Variants in VPS13B observed in about 807,000 individuals in gnomAD.
VPS13B encodes the protein vacuolar protein sorting 13 homolog B.
Under a neutral mutation model 426.4 loss-of-function variants are expected in VPS13B, and 285 were observed. The observed-to-expected ratio is 0.67, with a 90% CI of 0.61 to 0.74. The LOEUF (loss-of-function observed/expected upper bound fraction) is 0.74, where lower values mean the gene tolerates loss of function less well. Ranked by LOEUF, VPS13B falls within the 30% of genes least tolerant of loss-of-function variation. The probability of loss-of-function intolerance (pLI) is 0.00; values close to 1 mark genes in which losing one functional copy is unlikely to be tolerated. For synonymous variants in VPS13B, 1,676 were observed against 1,676.4 expected, an observed-to-expected ratio of 1.00 and a Z score of 0.01; for missense variants, 4,537 against 4,782.6, an observed-to-expected ratio of 0.95 and a Z score of 1.51.
chr8:99,293,734 T>A (rs1291905912), intron 19 of VPS13B, among the ~76,000 whole-genome samples: 2 of 151,894 alleles, frequency 1.3e-5, no homozygotes, highest in African/African-American at 4.8e-5. Context: ...CGGGTGGACA[T>A]GAACAGACAC....
At chr8:99,119,913 G>T (rs1431428858) in intron 7 of VPS13B, among the ~76,000 whole-genome samples, 1 of 151,902 alleles carries the variant, frequency 6.6e-6, no homozygotes, top group East Asian at 1.9e-4. Flanking sequence ...AGGGTCCAGG[G>T]TCTTGCTCTG....
At chr8:99,505,445 C>T (rs1020960479) in intron 27 of VPS13B, among the ~76,000 whole-genome samples, 2 of 152,034 alleles carry the variant, frequency 1.3e-5, no homozygotes, top group Non-Finnish European at 2.9e-5. Context: ...TATTAATTGG[C>T]TTCATTTCAA....
chr8:99,798,102 A>G (rs1395381225), intron 43 of VPS13B, among the ~76,000 whole-genome samples: 2 of 152,044 alleles, frequency 1.3e-5, no homozygotes, highest in African/African-American at 2.4e-5. Context: ...TCTTGGGACC[A>G]TCTGGCAAGC....
chr8:99,535,139 G>C (rs1823133155), intron 30 of VPS13B, among the ~76,000 whole-genome samples: 1 of 152,054 alleles, frequency 6.6e-6, no homozygotes, highest in Non-Finnish European at 1.5e-5. Context: ...TTAATGTGCA[G>C]AATTAATAAT....
chr8:99,523,281 C>T (rs1545959), intron 30 of VPS13B, among the ~76,000 whole-genome samples: 26,503 of 152,078 alleles, frequency 0.17, 2,836 homozygotes, highest in East Asian at 0.39. Flanking sequence ...ATTTGGGAGC[C>T]GGGGAACTCA....
chr8:99,582,695 T>G (rs558568932), intron 33 of VPS13B, among the ~76,000 whole-genome samples: 29 of 152,042 alleles, frequency 1.9e-4, no homozygotes, highest in African/African-American at 3.1e-4. Flanking sequence ...TCGCTCTGTC[T>G]CCCAGGCAGG....
intron 35 of VPS13B, among the ~76,000 whole-genome samples, chr8:99,682,118 T>C (rs765868420): frequency 1.3e-5 from 2 of 152,236 alleles, no homozygotes; most frequent in Non-Finnish European, 2.9e-5. Context: ...ACTGAGACTT[T>C]TGGGACAAAC....
chr8:99,397,398 G>T (rs772294026), intron 21 of VPS13B, among the ~76,000 whole-genome samples: 1 of 152,084 alleles, frequency 6.6e-6, no homozygotes, highest in Admixed American at 6.5e-5. Flanking sequence ...CCGCCTCGGC[G>T]TTCCAAAGTG....
chr8:99,788,337 C>T lies in VPS13B; in HGVS notation c.7941+3861C>T, dbSNP rs530181866. Among the ~76,000 whole-genome samples, 73 of 149,270 alleles carry T rather than the reference C, an allele frequency of 4.9e-4. 2 individuals carry two copies. In the South Asian group the frequency reaches 0.011, roughly 22 times the overall value. ...GGCTGAGGCAGGAGGATTACTTGAG[C>T]CCAGGAGTTCAAGACCAGCCTGGGC... is the stretch of plus-strand genomic sequence containing the variant. On this transcript the variant is annotated intron_variant, in intron 43 of 61. Coordinates refer to ENST00000357162, the MANE Select transcript of VPS13B (RefSeq NM_152564.5).
chr8:99,660,186 A>G (rs1563849327), intron 34 of VPS13B, among the ~76,000 whole-genome samples: 1 of 152,218 alleles, frequency 6.6e-6, no homozygotes, highest in African/African-American at 2.4e-5. Flanking sequence ...AATTGCTTTC[A>G]GCATTTTCTT....
intron 6 of VPS13B, among the ~76,000 whole-genome samples, chr8:99,112,666 A>C (rs895386333): frequency 4.6e-5 from 7 of 152,184 alleles, no homozygotes; most frequent in African/African-American, 1.7e-4. Flanking sequence ...TGGGTTTTCT[A>C]GTAAATTTGG....
intron 16 of VPS13B, among the ~76,000 whole-genome samples, chr8:99,189,696 T>C (rs1813445266): frequency 6.6e-6 from 1 of 152,332 alleles, no homozygotes; most frequent in Non-Finnish European, 1.5e-5. Flanking sequence ...ATTGTTATTT[T>C]TGTATTTCTA....
chr8:99,730,524 A>C (rs1003319740), intron 39 of VPS13B, among the ~76,000 whole-genome samples: 2 of 152,170 alleles, frequency 1.3e-5, no homozygotes, highest in Non-Finnish European at 2.9e-5. Flanking sequence ...TTGTAAAAGT[A>C]TGAAAAAAAG....
chr8:99,435,074 G>C (rs967424631), intron 22 of VPS13B, among the ~76,000 whole-genome samples: 4 of 152,172 alleles, frequency 2.6e-5, no homozygotes, highest in Non-Finnish European at 4.4e-5. Flanking sequence ...TGAAAGAAGA[G>C]AAATGGGAAT....
At chr8:99,746,437 T>A (rs967606600) in intron 39 of VPS13B, among the ~76,000 whole-genome samples, 1 of 151,998 alleles carries the variant, frequency 6.6e-6, no homozygotes, top group Non-Finnish European at 1.5e-5. Flanking sequence ...TTTCCCCAAC[T>A]CACAGGATTT....
At chr8:99,388,245 G>T (rs1383650202) in intron 20 of VPS13B, among the ~76,000 whole-genome samples, 1 of 152,108 alleles carries the variant, frequency 6.6e-6, no homozygotes, top group South Asian at 2.1e-4. Flanking sequence ...CATAATAATG[G>T]TTGACTCTGG....
chr8:99,608,874 A>G (rs533531978), intron 33 of VPS13B, among the ~76,000 whole-genome samples: 2 of 152,232 alleles, frequency 1.3e-5, no homozygotes, highest in South Asian at 2.1e-4. Flanking sequence ...GATATATACC[A>G]TAGGTGTTTT....
intron 23 of VPS13B, among the ~76,000 whole-genome samples, chr8:99,462,345 CT>C (rs1036725453): frequency 1.3e-5 from 2 of 151,510 alleles, no homozygotes; most frequent in South Asian, 2.1e-4. Flanking sequence ...TCGATTAGAA[CT>C]TTTTTTTTAT....
intron 21 of VPS13B, among the ~76,000 whole-genome samples, chr8:99,416,263 C>T (rs961526197): frequency 5.3e-5 from 8 of 151,938 alleles, no homozygotes; most frequent in Non-Finnish European, 1.0e-4. Context: ...GATGCCCCCG[C>T]CCCCCCACCA....
Sources: allele counts gnomAD v4.1 joint callset (sites outside exome capture counted in the v4.1 genomes callset), GRCh38; gene constraint gnomAD v4.1.1; transcripts MANE v1.5; gene names NCBI Gene and HGNC (gene_info 2026-07-23, HGNC 2026-07-21).